Variants in BAIAP2 observed in about 807,000 individuals in gnomAD.
BAIAP2 encodes the protein BAR/IMD domain containing adaptor protein 2.
BAIAP2 carries 18 observed loss-of-function variants against 63.0 expected under a neutral mutation model. The observed-to-expected ratio is 0.29, with a 90% CI of 0.20 to 0.42. The LOEUF is 0.42. Among genes scored for constraint, BAIAP2 ranks in the 10% least tolerant of loss-of-function variants. The pLI, the probability that BAIAP2 is intolerant of heterozygous loss-of-function variation, is 1.00. For synonymous variants in BAIAP2, 386 were observed against 307.6 expected (o/e 1.25, Z -2.67); for missense variants, 610 against 734.3 (o/e 0.83, Z 1.96).
intron 13 of BAIAP2, among the ~76,000 whole-genome samples, chr17:81,115,275 C>T (rs117911018): frequency 0.038 from 5,826 of 152,308 alleles, 140 homozygotes; most frequent in South Asian, 0.046. Context: ...CCTGCGGGAG[C>T]CGTGAGCCTA....
chr17:81,040,447 G>T (rs1033429528), intron 1 of BAIAP2, among the ~76,000 whole-genome samples: 10 of 152,266 alleles, frequency 6.6e-5, no homozygotes, highest in Non-Finnish European at 8.8e-5. Context: ...TGCCTGTACA[G>T]CTGCACAATG....
intron 1 of BAIAP2, among the ~76,000 whole-genome samples, chr17:81,041,257 G>T (rs1011103343): frequency 1.3e-5 from 2 of 152,256 alleles, no homozygotes; most frequent in African/African-American, 4.8e-5. Flanking sequence ...TCCCTGGGCA[G>T]TGGGTACAGC....
At chr17:81,055,130 G>A (rs1389996543) in intron 2 of BAIAP2, among the ~76,000 whole-genome samples, 1 of 152,214 alleles carries the variant, frequency 6.6e-6, no homozygotes, top group Admixed American at 6.5e-5. Context: ...GGTGGAGTTG[G>A]TTGTCCAGTT....
chr17:81,085,628 C>A, intron 4 of BAIAP2, 26 bp from the exon 5 acceptor site: 1 of 1,603,164 alleles, frequency 6.2e-7, no homozygotes, highest in Non-Finnish European at 8.5e-7. Context: ...GAGCTGACGG[C>A]TGATGTGTTT....
At chr17:81,100,652 C>G (rs556335954) in intron 7 of BAIAP2, among the ~76,000 whole-genome samples, 1 of 152,280 alleles carries the variant, frequency 6.6e-6, no homozygotes, top group East Asian at 1.9e-4. Flanking sequence ...TGACACTGGC[C>G]CCAGGTCCAG....
chr17:81,111,037 G>A (rs984054752), intron 13 of BAIAP2: 53 of 1,571,488 alleles, frequency 3.4e-5, no homozygotes, highest in Non-Finnish European at 4.5e-5. Context: ...CAGTCACGCA[G>A]CCTGGGTGGG....
In BAIAP2 at chr17:81,093,201, T is replaced by TGTGCACTGAGG. The variant is rs766930957; in HGVS notation, c.489+6625_489+6635dup. The stretch of plus-strand genomic sequence containing the variant: ...GATGCAACTTGTCCTTCCTAACCCA[T>TGTGCACTGAGG]GTGCACTGAGGGTGGGGCAGCCGGG... On this transcript the variant is annotated intron_variant, in intron 6 of 13. Coordinates refer to ENST00000428708, the MANE Select transcript of BAIAP2 (RefSeq NM_001144888.2). Among the ~76,000 whole-genome samples, 341 of 151,918 alleles carry TGTGCACTGAGG rather than the reference T, an allele frequency of 2.2e-3. 1 individual carries two copies. The highest frequency in any genetic ancestry group is 3.6e-3 in the Non-Finnish European group (243 of 67,892).
chr17:81,043,499 G>A (rs2047369488), intron 1 of BAIAP2, among the ~76,000 whole-genome samples: 1 of 152,216 alleles, frequency 6.6e-6, no homozygotes, highest in African/African-American at 2.4e-5. Flanking sequence ...TGTGAAGCTG[G>A]GGTGCTGGGG....
At chr17:81,060,166 C>T (rs895988198) in intron 3 of BAIAP2, among the ~76,000 whole-genome samples, 2 of 152,194 alleles carry the variant, frequency 1.3e-5, no homozygotes, top group South Asian at 4.1e-4. Flanking sequence ...GTTTTCTTCC[C>T]GGTAACAGCT....
At chr17:81,078,000 T>C (rs1251730482) in intron 3 of BAIAP2, among the ~76,000 whole-genome samples, 1 of 139,040 alleles carries the variant, frequency 7.2e-6, no homozygotes, top group African/African-American at 2.8e-5. Context: ...ACCTCGGAGC[T>C]GGGTGCTGTG....
intron 1 of BAIAP2, among the ~76,000 whole-genome samples, chr17:81,053,142 C>G (rs1203290194): frequency 1.3e-5 from 2 of 152,168 alleles, no homozygotes; most frequent in African/African-American, 4.8e-5. Context: ...GGCAAACAGA[C>G]CCAGAGCCGT....
chr17:81,049,485 T>C (rs2048333282), intron 1 of BAIAP2, among the ~76,000 whole-genome samples: 1 of 152,142 alleles, frequency 6.6e-6, no homozygotes, highest in East Asian at 1.9e-4. Flanking sequence ...CCTCTTGGTG[T>C]TGATAAGAAA....
intron 3 of BAIAP2, among the ~76,000 whole-genome samples, chr17:81,080,153 T>C (rs2054354571): frequency 6.6e-6 from 1 of 152,232 alleles, no homozygotes; most frequent in African/African-American, 2.4e-5. Flanking sequence ...CTTAGGGGCC[T>C]GGTGCTCCAT....
At chr17:81,106,430 C>T (rs2059188829) in intron 11 of BAIAP2, among the ~76,000 whole-genome samples, 1 of 152,164 alleles carries the variant, frequency 6.6e-6, no homozygotes, top group African/African-American at 2.4e-5. Context: ...CCTGGCTGTC[C>T]CAGGTCCTCC....
chr17:81,074,084 C>G (rs1369712036), intron 3 of BAIAP2, among the ~76,000 whole-genome samples: 1 of 152,252 alleles, frequency 6.6e-6, no homozygotes, highest in Non-Finnish European at 1.5e-5. Context: ...TCGGGCCATT[C>G]AGGAGCATGG....
chr17:81,053,485 T>G (rs2048996399), intron 1 of BAIAP2, 183 bp from the exon 2 acceptor site: 1 of 646,552 alleles, frequency 1.5e-6, no homozygotes, highest in Admixed American at 2.8e-5. Flanking sequence ...GAAGGTCATT[T>G]TCCCAAGGAC....
At chr17:81,082,482 G>T (rs1215956306) in intron 3 of BAIAP2, among the ~76,000 whole-genome samples, 1 of 152,160 alleles carries the variant, frequency 6.6e-6, no homozygotes, top group Non-Finnish European at 1.5e-5. Flanking sequence ...AGCCAAGCCC[G>T]GGGCTCTGTG....
chr17:81,047,174 G>A (rs2047934439), intron 1 of BAIAP2, among the ~76,000 whole-genome samples: 1 of 152,182 alleles, frequency 6.6e-6, no homozygotes, highest in South Asian at 2.1e-4. Context: ...TGGCCTTTGG[G>A]AGCATGTCAG....
chr17:81,050,902 G>A (rs536528578), intron 1 of BAIAP2, among the ~76,000 whole-genome samples: 5 of 151,614 alleles, frequency 3.3e-5, no homozygotes, highest in East Asian at 2.0e-4. Context: ...ACGCGCATCC[G>A]GCAGCATTTC....
Sources: gnomAD v4.1 joint callset for allele counts (sites outside exome capture counted in the v4.1 genomes callset) on GRCh38, gnomAD v4.1.1 for gene constraint, MANE v1.5 for transcripts, NCBI Gene and HGNC (gene_info 2026-07-23, HGNC 2026-07-21) for gene names.